FOXO1: variants seen among roughly 807,000 people sequenced by gnomAD.
The protein encoded by FOXO1 is forkhead box protein O1.
Under a neutral mutation model 44.1 loss-of-function variants are expected in FOXO1, and 6 were observed. The observed-to-expected ratio is 0.14, with a 90% confidence interval of 0.07 to 0.27. FOXO1 has a LOEUF of 0.27. Ranked by LOEUF, FOXO1 falls within the 10% of genes least tolerant of loss-of-function variation. The pLI, the probability that FOXO1 is intolerant of heterozygous loss-of-function variation, is 1.00. For missense variants in FOXO1, 737 were observed against 888.8 expected (o/e 0.83, Z 2.17); for synonymous variants, 380 against 362.7 (o/e 1.05, Z -0.54).
chr13:40,647,096 T>C (rs1877535274), intron 1 of FOXO1, among the ~76,000 whole-genome samples: 1 of 152,204 alleles, frequency 6.6e-6, no homozygotes, highest in African/African-American at 2.4e-5. Flanking sequence ...AAAGGAAGTC[T>C]ACATTAGTAA....
intron 1 of FOXO1, among the ~76,000 whole-genome samples, chr13:40,578,104 C>T (rs554923526): frequency 4.6e-5 from 7 of 152,214 alleles, no homozygotes; most frequent in Admixed American, 1.3e-4. Context: ...CAAAATTGCA[C>T]GCAAAGTTGA....
At chr13:40,591,653 T>G (rs892841097) in intron 1 of FOXO1, among the ~76,000 whole-genome samples, 34 of 152,346 alleles carry the variant, frequency 2.2e-4, no homozygotes, top group African/African-American at 8.2e-4. Context: ...AATTGTTTTA[T>G]AATTTTACTA....
rs1415691110 is a variant in FOXO1, at chr13:40,560,393, G to C, written c.1098C>G (p.Ser366Arg). The change falls in exon 2 of 3, where the codon AGC becomes AGG. Residue 366 changes from serine (S) to arginine (R), a missense_variant. Ser to Arg is a moderately radical substitution (Grantham distance 110). Coordinates refer to ENST00000379561, the MANE Select transcript of FOXO1 (RefSeq NM_002015.4). This position sits in a 1 kb window ranked among gnomAD's most constrained non-coding sequence, Gnocchi z 5.1. ...ASTLPSLSEI[S>R]NPENMENLLD... is the part of the protein sequence containing the mutation. ...AAAGATTTTCCATGTTTTCGGGATT[G>C]CTTATCTCAGACAGACTGGGTAAAG... 6.2e-7 allele frequency: 1 copy of C among 1,614,210 alleles called. No individual in the cohort carries two copies. Among genetic ancestry groups the C allele is most frequent in the Non-Finnish European group, 8.5e-7 (1 of 1,180,044 alleles).
chr13:40,661,955 C>T (rs994373132), intron 1 of FOXO1, among the ~76,000 whole-genome samples: 7 of 151,878 alleles, frequency 4.6e-5, no homozygotes, highest in Non-Finnish European at 8.8e-5. Context: ...AGGCAGATCA[C>T]GAGGTCAGGA....
In FOXO1 at chr13:40,560,971, C is replaced by T; in HGVS notation, c.631-111G>A. ...TAAAAAATCTTAAGAGTGTGTGCTA[C>T]AGATTTCCATCTGAACAGTCCTAAT... is the stretch of plus-strand genomic sequence containing the variant. On this transcript the variant is annotated intron_variant, in intron 1 of 2. Transcript: ENST00000379561. The surrounding 1 kb of genome is among the most constrained non-coding windows in gnomAD (Gnocchi z 5.1). The T allele has an allele frequency of 1.8e-6, 2 of 1,082,974 alleles. No individual in the cohort carries two copies. Among genetic ancestry groups the T allele is most frequent in the East Asian group, 2.5e-5 (1 of 39,664 alleles). The allele number at this position is 1,082,974 out of a possible 1,614,324, so 67.1% of individuals were successfully genotyped here.
intron 1 of FOXO1, among the ~76,000 whole-genome samples, chr13:40,608,007 T>C (rs949586668): frequency 3.3e-5 from 5 of 149,424 alleles, no homozygotes; most frequent in African/African-American, 1.2e-4. Context: ...TAGTAACATG[T>C]CTCTCATGGT....
chr13:40,560,557 T>C lies in FOXO1; in HGVS notation c.934A>G (p.Thr312Ala). The C allele has an allele frequency of 6.2e-7, 1 of 1,614,210 alleles. No homozygotes were observed. Among genetic ancestry groups the C allele is most frequent in the Non-Finnish European group, 8.5e-7 (1 of 1,180,020 alleles). The change falls in exon 2 of 3, where the codon ACA (threonine) becomes GCA (alanine). Residue 312 changes from threonine to alanine, a missense_variant. Thr to Ala is a moderately conservative substitution (Grantham distance 58, BLOSUM62 0). Transcript: ENST00000379561. The surrounding 1 kb of genome is among the most constrained non-coding windows in gnomAD (Gnocchi z 5.1). Reference protein sequence around the residue: ...HSNDDFDNWSTFRPRTSSNAS... With the variant: ...HSNDDFDNWSAFRPRTSSNAS... ...TTTGAGCTAGTTCGAGGGCGAAATG[T>C]ACTCCAGTTATCAAAGTCATCATTG...
chr13:40,607,031 C>T (rs903956437), intron 1 of FOXO1, among the ~76,000 whole-genome samples: 1 of 152,180 alleles, frequency 6.6e-6, no homozygotes, highest in Non-Finnish European at 1.5e-5. Flanking sequence ...TATTGTGCCA[C>T]TTCACCCTTC....
intron 1 of FOXO1, among the ~76,000 whole-genome samples, chr13:40,571,180 A>G (rs1874476010): frequency 6.7e-6 from 1 of 149,770 alleles, no homozygotes; most frequent in Non-Finnish European, 1.5e-5. Flanking sequence ...GTTTGAAGAG[A>G]TCTGTAGGCG....
intron 1 of FOXO1, among the ~76,000 whole-genome samples, chr13:40,649,472 T>TA (rs1277868228): frequency 6.6e-6 from 1 of 152,122 alleles, no homozygotes; most frequent in Admixed American, 6.5e-5. Context: ...CTTCTTGCCA[T>TA]AAACACAGGC....
chr13:40,619,400 G>T, intron 1 of FOXO1: 1 of 803,852 alleles, frequency 1.2e-6, no homozygotes, highest in South Asian at 1.4e-5. Context: ...AACACCTTTC[G>T]GGGCACAGGA....
chr13:40,638,330 G>GA (rs1877228273), intron 1 of FOXO1, among the ~76,000 whole-genome samples: 1 of 152,166 alleles, frequency 6.6e-6, no homozygotes, highest in African/African-American at 2.4e-5. Flanking sequence ...ACTTATAGAG[G>GA]AACGTTGAAG....
chr13:40,640,068 C>A (rs1037552372), intron 1 of FOXO1, among the ~76,000 whole-genome samples: 4 of 152,186 alleles, frequency 2.6e-5, no homozygotes, highest in Non-Finnish European at 5.9e-5. Context: ...AGAACCTCTG[C>A]CCCCACAGGG....
intron 1 of FOXO1, among the ~76,000 whole-genome samples, chr13:40,563,701 C>T (rs1190657808): frequency 6.6e-6 from 1 of 152,110 alleles, no homozygotes; most frequent in Non-Finnish European, 1.5e-5. Context: ...CCAGGGAGTA[C>T]ATTTCCCTCC....
At chr13:40,627,748 G>A (rs371433435) in intron 1 of FOXO1, among the ~76,000 whole-genome samples, 20 of 151,740 alleles carry the variant, frequency 1.3e-4, no homozygotes, top group East Asian at 1.2e-3. Flanking sequence ...CAGGAGAATC[G>A]CTTGAACCCG....
chr13:40,619,209 G>T (rs574628213), intron 1 of FOXO1: 1 of 358,428 alleles, frequency 2.8e-6, no homozygotes, highest in Non-Finnish European at 5.3e-6. Context: ...CAGGAGAATC[G>T]CTTGAATCTG....
At chr13:40,618,626 G>A (rs1876503416) in intron 1 of FOXO1, 3 of 344,780 alleles carry the variant, frequency 8.7e-6, no homozygotes, top group Non-Finnish European at 1.7e-5. Context: ...CTGGATTTGA[G>A]TTGGGAAGAG....
At chr13:40,605,569 C>G (rs932762826) in intron 1 of FOXO1, among the ~76,000 whole-genome samples, 1 of 152,150 alleles carries the variant, frequency 6.6e-6, no homozygotes, top group Non-Finnish European at 1.5e-5. Context: ...CCAGGCTGCT[C>G]CTCCCCCTGA....
chr13:40,598,175 C>G (rs906154452), intron 1 of FOXO1, among the ~76,000 whole-genome samples: 1 of 152,210 alleles, frequency 6.6e-6, no homozygotes, highest in African/African-American at 2.4e-5. Flanking sequence ...AAATGGAAAT[C>G]TACTCATGGT....
Sources: gnomAD v4.1 joint callset for allele counts (sites outside exome capture counted in the v4.1 genomes callset) on GRCh38, gnomAD v4.1.1 for gene constraint, Gnocchi (gnomAD v3.1) non-coding constraint, MANE v1.5 for transcripts, NCBI Gene and HGNC (gene_info 2026-07-23, HGNC 2026-07-21) for gene names.